ASTN2: variants seen among roughly 807,000 people sequenced by gnomAD.
The protein encoded by ASTN2 is astrotactin 2.
In ASTN2, 54 loss-of-function variants were observed where a neutral mutation model predicts 139.8. The observed-to-expected ratio is 0.39, with a 90% CI of 0.31 to 0.48. ASTN2 has a LOEUF of 0.48. Ranked by LOEUF, ASTN2 falls within the 20% of genes least tolerant of loss-of-function variation. The pLI is 0.95. For missense variants in ASTN2, 1,565 were observed against 1,725.1 expected, an observed-to-expected ratio of 0.91 and a Z score of 1.64; for synonymous variants, 756 against 719.5, an observed-to-expected ratio of 1.05 and a Z score of -0.81.
chr9:117,118,136 G>A (rs1207465213), intron 4 of ASTN2, among the ~76,000 whole-genome samples: 12 of 152,082 alleles, frequency 7.9e-5, no homozygotes, highest in Non-Finnish European at 1.5e-4. Flanking sequence ...GTTGTCATGC[G>A]GGTTTAAGTA....
chr9:116,478,518 C>T (rs887028583), intron 20 of ASTN2, among the ~76,000 whole-genome samples: 2 of 152,126 alleles, frequency 1.3e-5, no homozygotes, highest in African/African-American at 2.4e-5. Flanking sequence ...CTGAAAGTCC[C>T]TTCAGGGTCC....
chr9:117,244,738 GGGAGGGAA>G (rs1833327127), intron 2 of ASTN2, among the ~76,000 whole-genome samples: 1 of 145,882 alleles, frequency 6.9e-6, no homozygotes, highest in East Asian at 2.1e-4. Flanking sequence ...GAGGGAGTGA[GGGAGGGAA>G]GGAGGGAGGG....
chr9:116,959,891 T>C (rs932687370), intron 10 of ASTN2, among the ~76,000 whole-genome samples: 9 of 152,106 alleles, frequency 5.9e-5, no homozygotes, highest in Non-Finnish European at 1.2e-4. Context: ...TCCAGAACAC[T>C]TGCCTCTCCA....
intron 1 of ASTN2, among the ~76,000 whole-genome samples, chr9:117,407,441 GAA>G (rs1207083109): frequency 2.0e-5 from 3 of 152,208 alleles, no homozygotes; most frequent in Non-Finnish European, 4.4e-5. Context: ...GTAGTAGAGA[GAA>G]GTGTTGAGGC....
At chr9:116,753,284 T>A (rs1198231580) in intron 13 of ASTN2, among the ~76,000 whole-genome samples, 2 of 152,182 alleles carry the variant, frequency 1.3e-5, no homozygotes, top group African/African-American at 4.8e-5. Flanking sequence ...TCCAACTACA[T>A]AACACTGTGG....
intron 10 of ASTN2, among the ~76,000 whole-genome samples, chr9:116,974,505 A>AC (rs1836291519): frequency 9.3e-6 from 1 of 107,068 alleles, no homozygotes; most frequent in Non-Finnish European, 2.0e-5. Flanking sequence ...TTTAGCCTGG[A>AC]CTTTTTTTTT....
intron 19 of ASTN2, chr9:116,583,593 AGTTTT>A (rs1042884479): frequency 1.3e-5 from 2 of 152,004 alleles, no homozygotes; most frequent in Non-Finnish European, 2.9e-5. Flanking sequence ...AAAAAAAAAA[AGTTTT>A]CAGAAGGTGA....
rs764186649 is a variant in ASTN2 at position 116,698,736 on chromosome 9, G to A, written c.2806+27035C>T. 1.2e-6 allele frequency: 2 copies of A among 1,614,066 alleles called. No homozygotes were observed. Among genetic ancestry groups the A allele is most frequent in the Non-Finnish European group, 1.7e-6 (2 of 1,180,050 alleles). On this transcript the variant is annotated intron_variant, in intron 16 of 22. Coordinates refer to ENST00000313400, the MANE Select transcript of ASTN2 (RefSeq NM_001365068.1). This position sits in a 1 kb window ranked among gnomAD's most constrained non-coding sequence, Gnocchi z 4.4. Reference sequence around the variant, plus strand: ...AGAGATGGACATGAGCCCGGAGGAAGTGGTTGCCAGCCCTAGGGCCTCACC... The same window carrying A: ...AGAGATGGACATGAGCCCGGAGGAAATGGTTGCCAGCCCTAGGGCCTCACC...
At chr9:117,040,661 G>A (rs1423690055) in intron 5 of ASTN2, among the ~76,000 whole-genome samples, 1 of 152,128 alleles carries the variant, frequency 6.6e-6, no homozygotes, top group East Asian at 1.9e-4. Flanking sequence ...TTTTCACCAT[G>A]TTGGCCAGGC....
intron 16 of ASTN2, among the ~76,000 whole-genome samples, chr9:116,658,545 C>T (rs1423923327): frequency 6.6e-6 from 1 of 152,008 alleles, no homozygotes. Flanking sequence ...TCACTGAAGC[C>T]AGACAAAGAG....
At position 117,266,120 on chromosome 9, in the gene ASTN2, G is replaced by A. The variant is rs80277070; in HGVS notation, c.630+25206C>T. ...CATTCCTGCACTTCCTCATCCTTGA[G>A]CTTCAAATCAGACAGGTTTTATAAT... is the stretch of plus-strand genomic sequence containing the variant. On this transcript the variant is annotated intron_variant, in intron 2 of 22. Transcript: ENST00000313400. Among the ~76,000 whole-genome samples the A allele has an allele frequency of 2.6e-3, 390 of 152,250 alleles. 2 individuals are homozygous for A. The highest frequency in any genetic ancestry group is 4.0e-3 in the Non-Finnish European group (269 of 68,032).
chr9:116,803,630 T>C (rs2132243457), intron 13 of ASTN2, among the ~76,000 whole-genome samples: 1 of 150,342 alleles, frequency 6.7e-6, no homozygotes, highest in African/African-American at 2.4e-5. Flanking sequence ...GTTCATGCTA[T>C]TCTCCTGCCT....
intron 1 of ASTN2, among the ~76,000 whole-genome samples, chr9:117,348,002 A>G (rs570369908): frequency 6.6e-6 from 1 of 152,362 alleles, no homozygotes; most frequent in African/African-American, 2.4e-5. Context: ...GTCTATTACC[A>G]GATAAGAAGA....
intron 7 of ASTN2, among the ~76,000 whole-genome samples, chr9:116,996,032 C>T (rs927691960): frequency 6.6e-6 from 1 of 151,816 alleles, no homozygotes; most frequent in African/African-American, 2.4e-5. Flanking sequence ...TTAGAGACAG[C>T]GTCTCACTAT....
At chr9:117,096,690 G>T (rs10983518) in intron 4 of ASTN2, among the ~76,000 whole-genome samples, 1 of 152,106 alleles carries the variant, frequency 6.6e-6, no homozygotes, top group African/African-American at 2.4e-5. Context: ...TCCTAAGGAA[G>T]CTTAAACCTA....
At chr9:116,494,556 C>A (rs1299966478) in intron 19 of ASTN2, among the ~76,000 whole-genome samples, 2 of 151,826 alleles carry the variant, frequency 1.3e-5, no homozygotes, top group Non-Finnish European at 2.9e-5. Flanking sequence ...AAATAAGAAA[C>A]AAAGAAAGAA....
At chr9:116,464,615 C>T (rs1284714979) in intron 20 of ASTN2, among the ~76,000 whole-genome samples, 2 of 152,142 alleles carry the variant, frequency 1.3e-5, no homozygotes, top group African/African-American at 2.4e-5. Context: ...ATTCATGTAG[C>T]TGTGTGCATG....
intron 1 of ASTN2, among the ~76,000 whole-genome samples, chr9:117,386,408 C>T (rs942033788): frequency 1.3e-5 from 2 of 152,166 alleles, no homozygotes; most frequent in African/African-American, 2.4e-5. Flanking sequence ...ACCCATTCTG[C>T]TGCCATGGTC....
chr9:117,222,928 C>A (rs1202571434), intron 2 of ASTN2, among the ~76,000 whole-genome samples: 1 of 151,690 alleles, frequency 6.6e-6, no homozygotes, highest in Non-Finnish European at 1.5e-5. Context: ...AACCATACAA[C>A]CAAGTAGAAA....
Sources: allele counts gnomAD v4.1 joint callset (sites outside exome capture counted in the v4.1 genomes callset), GRCh38; gene constraint gnomAD v4.1.1; non-coding constraint Gnocchi (gnomAD v3.1); transcripts MANE v1.5; gene names NCBI Gene and HGNC (gene_info 2026-07-23, HGNC 2026-07-21).